The following LSM6 variants were observed in gnomAD, a reference collection of about 807,000 sequenced individuals.
The protein encoded by LSM6 is LSM6 homolog, U6 small nuclear RNA and mRNA degradation associated, also known as U6 snRNA-associated Sm-like protein LSm6.
Under a neutral mutation model 13.5 loss-of-function variants are expected in LSM6, and 2 were observed. The observed-to-expected ratio is 0.15, with a 90% confidence interval of 0.06 to 0.47. The LOEUF (loss-of-function observed/expected upper bound fraction) is 0.47, where lower values mean the gene tolerates loss of function less well. Ranked by LOEUF, LSM6 falls within the 20% of genes least tolerant of loss-of-function variation. LSM6 has a pLI of 0.97. For synonymous variants in LSM6, 43 were observed against 34.9 expected (o/e 1.23, Z -0.82); for missense variants, 58 against 96.4 (o/e 0.60, Z 1.67).
chr4:146,187,231 T>C (rs1285012409), intron 2 of LSM6, 43 bp from the exon 3 acceptor site: 1 of 1,121,350 alleles, frequency 8.9e-7, no homozygotes. Flanking sequence ...TTTCAACTCT[T>C]ATTTGCCTTG....
At chr4:146,177,622 T>A (rs1278299176) in intron 1 of LSM6, among the ~76,000 whole-genome samples, 1 of 149,028 alleles carries the variant, frequency 6.7e-6, no homozygotes, top group Non-Finnish European at 1.5e-5. Flanking sequence ...CAAAGAACAA[T>A]TTTTTTTATT....
chr4:146,187,441 A>G (rs923584118), intron 3 of LSM6, 54 bp downstream of exon 3: 5 of 1,107,196 alleles, frequency 4.5e-6, no homozygotes, highest in Non-Finnish European at 6.8e-6. Context: ...TTCTATTTAT[A>G]ATCCAGATCA....
At position 146,189,878 on chromosome 4, in the gene LSM6, C is replaced by T; in HGVS notation, c.*222C>T. On this transcript the variant is annotated 3_prime_UTR_variant, in exon 4 of 4. Transcript: ENST00000296581. ...TTTCTTTTACCTCGTTGTCAGTGTA[C>T]AGAATGCTAAAATAATTAAAAAAAG... 1 of 460,960 alleles carries T rather than the reference C, an allele frequency of 2.2e-6. No individual in the cohort carries two copies. Among genetic ancestry groups the T allele is most frequent in the Non-Finnish European group, 3.8e-6 (1 of 261,596 alleles). 28.6% of individuals were successfully genotyped at this position (460,960 alleles called of 1,614,324 possible). A position where few individuals can be genotyped will look rare whatever the true frequency, so the allele number is the denominator to read the frequency against.
intron 1 of LSM6, among the ~76,000 whole-genome samples, chr4:146,178,611 C>T (rs1018124172): frequency 2.4e-4 from 36 of 152,106 alleles, no homozygotes; most frequent in African/African-American, 8.5e-4. Flanking sequence ...GTAAATACGC[C>T]AGGAGTAGGT....
chr4:146,182,294 A>G (rs1730248849), intron 1 of LSM6, among the ~76,000 whole-genome samples: 1 of 152,242 alleles, frequency 6.6e-6, no homozygotes, highest in African/African-American at 2.4e-5. Context: ...TTAGATTATA[A>G]TTCTTTTCAG....
At chr4:146,189,494 A>G in intron 3 of LSM6, 128 bp from the exon 4 acceptor site, 1 of 660,578 alleles carries the variant, frequency 1.5e-6, no homozygotes, top group Non-Finnish European at 2.7e-6. Flanking sequence ...AGTTAATTGA[A>G]TGATACGAGA....
At chr4:146,176,114 C>T (rs1013225588) in intron 1 of LSM6, 1 of 152,314 alleles carries the variant, frequency 6.6e-6, no homozygotes, top group African/African-American at 2.4e-5. Flanking sequence ...GGCACCGTCC[C>T]GGCTCCTACC....
At chr4:146,181,123 G>T (rs1730222045) in intron 1 of LSM6, 1 of 152,182 alleles carries the variant, frequency 6.6e-6, no homozygotes, top group African/African-American at 2.4e-5. Context: ...TAGAAATTCA[G>T]TGGAAAAGTT....
intron 1 of LSM6, among the ~76,000 whole-genome samples, chr4:146,177,339 C>T (rs1021078622): frequency 1.3e-5 from 2 of 152,158 alleles, no homozygotes; most frequent in African/African-American, 4.8e-5. Flanking sequence ...TTATTCTCTC[C>T]TTTTAAAAGT....
At chr4:146,178,403 G>A (rs770382668) in intron 1 of LSM6, among the ~76,000 whole-genome samples, 15 of 152,202 alleles carry the variant, frequency 9.9e-5, no homozygotes, top group Non-Finnish European at 1.9e-4. Context: ...CCCTGCTGCC[G>A]AGGAAGGAGG....
At chr4:146,189,481 T>C in intron 3 of LSM6, 141 bp from the exon 4 acceptor site, 1 of 644,214 alleles carries the variant, frequency 1.6e-6, no homozygotes, top group South Asian at 1.9e-5. Flanking sequence ...ACAGTACTTC[T>C]AGAGTTAATT....
At chr4:146,186,313 T>C (rs1730347915) in intron 2 of LSM6, among the ~76,000 whole-genome samples, 1 of 152,306 alleles carries the variant, frequency 6.6e-6, no homozygotes, top group East Asian at 1.9e-4. Flanking sequence ...CTTTTTTGTT[T>C]AGAGGATAAT....
chr4:146,185,430 G>C (rs1730323779), intron 2 of LSM6, among the ~76,000 whole-genome samples: 1 of 145,174 alleles, frequency 6.9e-6, no homozygotes, highest in Non-Finnish European at 1.5e-5. Flanking sequence ...TATACTATTA[G>C]ATAGCCTTAC....
At chr4:146,185,736 T>C (rs1730334721) in intron 2 of LSM6, among the ~76,000 whole-genome samples, 1 of 151,688 alleles carries the variant, frequency 6.6e-6, no homozygotes, top group African/African-American at 2.4e-5. Flanking sequence ...CTCTTTTTTT[T>C]TTTTCTTTTT....
chr4:146,181,218 A>C (rs989786177), intron 1 of LSM6: 4 of 151,892 alleles, frequency 2.6e-5, no homozygotes, highest in Non-Finnish European at 5.9e-5. Flanking sequence ...TGTCCAAATG[A>C]TAGCCCAAAA....
intron 3 of LSM6, among the ~76,000 whole-genome samples, chr4:146,188,985 C>CTTA (rs1209445042): frequency 7.6e-6 from 1 of 131,340 alleles, no homozygotes; most frequent in African/African-American, 2.9e-5. Context: ...TGAAAAGCAT[C>CTTA]TTTTTTTTTT....
intron 2 of LSM6, chr4:146,183,723 A>G (rs866075028): frequency 2.0e-5 from 3 of 148,588 alleles, no homozygotes; most frequent in African/African-American, 7.4e-5. Context: ...GGTCATTTTT[A>G]TTTTCATTTT....
At chr4:146,182,792 C>CTTCTCAAAG (rs1180954958) in intron 1 of LSM6, 120 bp from the exon 2 acceptor site, 5 of 629,840 alleles carry the variant, frequency 7.9e-6, no homozygotes, top group Non-Finnish European at 1.5e-5. Context: ...TAATACGCGT[C>CTTCTCAAAG]TTCTCGCATG....
intron 1 of LSM6, among the ~76,000 whole-genome samples, chr4:146,180,660 T>G (rs540337249): frequency 6.6e-6 from 1 of 152,330 alleles, no homozygotes; most frequent in African/African-American, 2.4e-5. Context: ...GTAGTTAATA[T>G]CTCCATGAAC....
Sources: gnomAD v4.1 joint callset for allele counts (sites outside exome capture counted in the v4.1 genomes callset) on GRCh38, gnomAD v4.1.1 for gene constraint, MANE v1.5 for transcripts, NCBI Gene and HGNC (gene_info 2026-07-23, HGNC 2026-07-21) for gene names.